The following ST18 variants were observed in gnomAD, a reference collection of about 807,000 sequenced individuals.
ST18 encodes the protein suppression of tumorigenicity 18 protein.
ST18 carries 50 observed loss-of-function variants against 110.0 expected under a neutral mutation model. That is an observed-to-expected ratio of 0.45 (90% confidence interval 0.36 to 0.58). The LOEUF is 0.58. Among genes scored for constraint, ST18 ranks in the 20% least tolerant of loss-of-function variants. The pLI, the probability that ST18 is intolerant of heterozygous loss-of-function variation, is 0.00. For missense variants in ST18, 1,306 were observed against 1,280.1 expected (o/e 1.02, Z -0.31); for synonymous variants, 461 against 452.4 (o/e 1.02, Z -0.24).
chr8:52,137,184 A>C (rs2131795430), intron 18 of ST18, among the ~76,000 whole-genome samples: 1 of 152,320 alleles, frequency 6.6e-6, no homozygotes, highest in East Asian at 1.9e-4. Flanking sequence ...ACAGAACCGA[A>C]GCCTGACATG....
chr8:52,328,657 A>G (rs4338126), intron 2 of ST18, among the ~76,000 whole-genome samples: 31,116 of 152,176 alleles, frequency 0.2, 3,842 homozygotes, highest in African/African-American at 0.35. Context: ...CCAGCCTACC[A>G]TATACAGCAT....
rs1021395649 is a variant in ST18 at position 52,409,687 on chromosome 8, G to C, written c.-729C>G. 2.0e-5 allele frequency: 3 copies of C among 152,168 alleles called. No homozygotes were observed. The highest frequency in any genetic ancestry group is 2.9e-5 in the Non-Finnish European group (2 of 68,028). 9.4% of individuals were successfully genotyped at this position (152,168 alleles called of 1,614,324 possible). A position where few individuals can be genotyped will look rare whatever the true frequency, so the allele number is the denominator to read the frequency against. On this transcript the variant is annotated 5_prime_UTR_variant, in exon 1 of 26. Transcript: ENST00000689386. The stretch of plus-strand genomic sequence containing the variant: ...AATTATTTTTCTCTCCTTACCTCTA[G>C]TATTCCCCTGAGGTCACATTCAGTT...
Position 52,118,451 on chromosome 8 carries a change from G to A in ST18, c.2756-10C>T. 3 of 1,530,570 alleles carry A rather than the reference G, an allele frequency of 2.0e-6. No homozygotes were observed. The East Asian group carries it at 6.8e-5, about 35-fold the overall frequency. 94.8% of individuals were successfully genotyped at this position (1,530,570 alleles called of 1,614,324 possible). A position where few individuals can be genotyped will look rare whatever the true frequency, so the allele number is the denominator to read the frequency against. On this transcript the variant is annotated splice_polypyrimidine_tract_variant and intron_variant, in intron 23 of 25. Coordinates refer to ENST00000689386, the MANE Select transcript of ST18 (RefSeq NM_001352837.2). ...TCATCACTCTCTATTCCTGTAAAGA[G>A]TAAGACTACCTTAGTTCAAACTGAA... is the stretch of plus-strand genomic sequence containing the variant.
At chr8:52,409,807 A>G (rs1419546175), upstream of ST18, 1 of 152,252 alleles carries the variant, frequency 6.6e-6, no homozygotes, top group East Asian at 1.9e-4. Flanking sequence ...TTATTTACCA[A>G]CCGCACAAAG....
At chr8:52,166,421 C>A (rs2063007818) in intron 11 of ST18, among the ~76,000 whole-genome samples, 1 of 152,172 alleles carries the variant, frequency 6.6e-6, no homozygotes, top group Non-Finnish European at 1.5e-5. Context: ...AGGTACCAGA[C>A]AACTAGGGAC....
At chr8:52,227,166 G>C (rs1588898909) in intron 3 of ST18, among the ~76,000 whole-genome samples, 2 of 152,140 alleles carry the variant, frequency 1.3e-5, no homozygotes, top group Non-Finnish European at 2.9e-5. Context: ...TCTCACTACA[G>C]TGTTTAATTT....
At chr8:52,166,741 G>C in intron 11 of ST18, 111 bp downstream of exon 11, 6 of 1,353,622 alleles carry the variant, frequency 4.4e-6, no homozygotes, top group Non-Finnish European at 5.8e-6. Context: ...GCTTGACATA[G>C]TTTAAAAAAG....
At chr8:52,251,919 C>A (rs1451015488) in intron 2 of ST18, among the ~76,000 whole-genome samples, 1 of 151,958 alleles carries the variant, frequency 6.6e-6, no homozygotes, top group Non-Finnish European at 1.5e-5. Flanking sequence ...TTTTGCATTT[C>A]ATATCAAACA....
chr8:52,360,541 T>C (rs775871615), intron 2 of ST18, among the ~76,000 whole-genome samples: 2 of 152,112 alleles, frequency 1.3e-5, no homozygotes, highest in Non-Finnish European at 2.9e-5. Flanking sequence ...AATATTTTCT[T>C]AAAATATAGA....
intron 2 of ST18, among the ~76,000 whole-genome samples, chr8:52,364,154 C>T (rs772442071): frequency 4.3e-4 from 65 of 152,324 alleles, no homozygotes; most frequent in Non-Finnish European, 9.0e-4. Flanking sequence ...ACAAAGGCTG[C>T]AGCAAAGTTT....
In ST18 at chr8:52,133,233, T is replaced by A. The variant is rs373989077; in HGVS notation, c.2363+6A>T. The A allele has an allele frequency of 1.9e-6, 3 of 1,614,180 alleles. No homozygotes were observed. The highest frequency in any genetic ancestry group is 2.5e-6 in the Non-Finnish European group (3 of 1,180,042). ...TTCCACATCTCAGAAATAAGATCAA[T>A]CCTACCTTCTGTGGGAAGCATAGTT... On this transcript the variant is annotated splice_donor_region_variant and intron_variant, in intron 20 of 25. Coordinates refer to ENST00000689386, the MANE Select transcript of ST18 (RefSeq NM_001352837.2).
At chr8:52,215,780 T>C (rs2083960081) in intron 6 of ST18, among the ~76,000 whole-genome samples, 1 of 152,198 alleles carries the variant, frequency 6.6e-6, no homozygotes, top group South Asian at 2.1e-4. Context: ...CTGCCTAAGA[T>C]GAAAATGGCT....
intron 2 of ST18, among the ~76,000 whole-genome samples, chr8:52,308,446 C>T (rs1203160925): frequency 6.6e-6 from 1 of 152,204 alleles, no homozygotes; most frequent in African/African-American, 2.4e-5. Context: ...GCTGGATAAT[C>T]TTTCTTGAGA....
At position 52,356,251 on chromosome 8, in the gene ST18, C is replaced by T. The variant is rs1041591704; in HGVS notation, c.-465+53077G>A. Among the ~76,000 whole-genome samples, 9 of 152,038 alleles carry T rather than the reference C, an allele frequency of 5.9e-5. 1 individual carries two copies. The highest frequency in any genetic ancestry group is 1.9e-4 in the East Asian group (1 of 5,196). ...AAATATTAAAGGAGTGTCCCAATAC[C>T]GGGTCAGTTTGAAAAGACTGGGAGA... On this transcript the variant is annotated intron_variant, in intron 2 of 25. Transcript: ENST00000689386.
chr8:52,131,222 T>G (rs972826682), intron 22 of ST18, among the ~76,000 whole-genome samples: 9 of 152,226 alleles, frequency 5.9e-5, no homozygotes, highest in African/African-American at 2.2e-4. Context: ...TAAAGCTTCA[T>G]TGGATTTTAA....
At chr8:52,313,406 G>A (rs2095959133) in intron 2 of ST18, 2 of 154,052 alleles carry the variant, frequency 1.3e-5, no homozygotes, top group Admixed American at 1.3e-4. Context: ...TGGTATAAAA[G>A]TAAACAACTC....
intron 2 of ST18, among the ~76,000 whole-genome samples, chr8:52,304,418 T>C (rs910252139): frequency 6.6e-6 from 1 of 152,142 alleles, no homozygotes; most frequent in Non-Finnish European, 1.5e-5. Context: ...AGAATTAAAG[T>C]GTAGATTATA....
intron 2 of ST18, among the ~76,000 whole-genome samples, chr8:52,351,809 G>A (rs1042104189): frequency 2.6e-5 from 4 of 152,064 alleles, no homozygotes; most frequent in Admixed American, 6.5e-5. Flanking sequence ...CATGACCTTC[G>A]GGTGGTTCAC....
chr8:52,356,666 C>T (rs1477165778), intron 2 of ST18, among the ~76,000 whole-genome samples: 2 of 151,918 alleles, frequency 1.3e-5, no homozygotes, highest in African/African-American at 4.8e-5. Flanking sequence ...ATTGGACTTA[C>T]TAGACAAAAA....
Sources: allele counts gnomAD v4.1 joint callset (sites outside exome capture counted in the v4.1 genomes callset), GRCh38; gene constraint gnomAD v4.1.1; transcripts MANE v1.5; gene names NCBI Gene and HGNC (gene_info 2026-07-23, HGNC 2026-07-21).